ASPRV1: variants seen among roughly 807,000 people sequenced by gnomAD.
ASPRV1 encodes the protein retroviral-like aspartic protease 1.
Under a neutral mutation model 11.0 loss-of-function variants are expected in ASPRV1, and 7 were observed. The ratio of observed to expected loss-of-function variants is 0.64; its 90% CI spans 0.36 to 1.20. ASPRV1 has a LOEUF of 1.20. Among genes scored for constraint, ASPRV1 ranks in the 50% most tolerant of loss-of-function variants. The probability of loss-of-function intolerance (pLI) is 0.02; values close to 1 mark genes in which losing one functional copy is unlikely to be tolerated. For synonymous variants in ASPRV1, 136 were observed against 138.4 expected, an observed-to-expected ratio of 0.98 and a Z score of 0.12; for missense variants, 299 against 320.0, an observed-to-expected ratio of 0.93 and a Z score of 0.50.
chr2:70,041,316 G>C, the ASPRV1 span, among the ~76,000 whole-genome samples: 1 of 152,214 alleles, frequency 6.6e-6, no homozygotes, highest in Admixed American at 6.5e-5. Flanking sequence ...GGTTGGGAAT[G>C]GCATGCAGGG....
the ASPRV1 span, among the ~76,000 whole-genome samples, chr2:70,014,377 A>G: frequency 1.3e-3 from 194 of 152,328 alleles, 1 homozygote; most frequent in African/African-American, 4.5e-3. Context: ...ACATTTCTCC[A>G]AAGAAGATAT....
At chr2:70,080,957 C>T in the ASPRV1 span, 4 of 152,156 alleles carry the variant, frequency 2.6e-5, no homozygotes, top group African/African-American at 9.7e-5. Context: ...TTTTGGTAGA[C>T]ACAGGGGCTC....
the ASPRV1 span, among the ~76,000 whole-genome samples, chr2:69,985,046 C>A: frequency 1.3e-5 from 2 of 152,012 alleles, no homozygotes; most frequent in Admixed American, 1.3e-4. Context: ...TTAGTAGAGA[C>A]GGGGTTTCAC....
chr2:69,989,964 T>C, the ASPRV1 span, among the ~76,000 whole-genome samples: 11 of 152,348 alleles, frequency 7.2e-5, no homozygotes, highest in African/African-American at 2.6e-4. Flanking sequence ...GCCCTTGCCA[T>C]GGGTGTGGCC....
At chr2:69,938,026 C>A in the ASPRV1 span, 1 of 1,462,552 alleles carries the variant, frequency 6.8e-7, no homozygotes, top group Non-Finnish European at 9.4e-7. Flanking sequence ...GGATTACAAG[C>A]ATGAGCCACC....
At chr2:70,072,980 G>T in the ASPRV1 span, 1 of 152,066 alleles carries the variant, frequency 6.6e-6, no homozygotes, top group Non-Finnish European at 1.5e-5. Flanking sequence ...AGCTGAGGGG[G>T]AGGATCGCTT....
the ASPRV1 span, among the ~76,000 whole-genome samples, chr2:69,978,838 C>T: frequency 2.0e-5 from 3 of 152,288 alleles, no homozygotes; most frequent in East Asian, 3.9e-4. Flanking sequence ...CGATGGGTGA[C>T]TTGTCAGAGG....
At chr2:70,032,363 T>C in the ASPRV1 span, 23,143 of 152,156 alleles carry the variant, frequency 0.15, 2,731 homozygotes, top group East Asian at 0.3. Context: ...TTGGAGTTAA[T>C]ATTTGCTTAA....
the ASPRV1 span, among the ~76,000 whole-genome samples, chr2:70,002,346 G>C: frequency 6.6e-6 from 1 of 152,158 alleles, no homozygotes; most frequent in African/African-American, 2.4e-5. Context: ...GACTGGGTAA[G>C]GTTTGTGTCT....
At chr2:69,938,173 C>T in the ASPRV1 span, 4 of 1,614,218 alleles carry the variant, frequency 2.5e-6, no homozygotes, top group Non-Finnish European at 2.5e-6. Context: ...GTGTGAGCGA[C>T]TCTGACGAGC....
the ASPRV1 span, chr2:70,085,648 A>C: frequency 6.6e-6 from 1 of 152,250 alleles, no homozygotes; most frequent in Non-Finnish European, 1.5e-5. Context: ...AGAGAGAGAG[A>C]GAGAGATAAG....
At chr2:70,039,511 A>G in the ASPRV1 span, among the ~76,000 whole-genome samples, 1 of 152,226 alleles carries the variant, frequency 6.6e-6, no homozygotes, top group Non-Finnish European at 1.5e-5. Context: ...GATGGGTTAT[A>G]CTAGGATGCT....
the ASPRV1 span, among the ~76,000 whole-genome samples, chr2:70,019,569 T>C: frequency 6.6e-6 from 1 of 152,184 alleles, no homozygotes; most frequent in Non-Finnish European, 1.5e-5. Flanking sequence ...CACAATGGAG[T>C]ACCATTCATC....
At chr2:70,052,186 T>G in the ASPRV1 span, among the ~76,000 whole-genome samples, 1 of 151,446 alleles carries the variant, frequency 6.6e-6, no homozygotes, top group East Asian at 1.9e-4. Flanking sequence ...GGAAGAGAGA[T>G]AGGGAAGAAA....
At chr2:69,952,690 T>A in the ASPRV1 span, among the ~76,000 whole-genome samples, 5 of 152,158 alleles carry the variant, frequency 3.3e-5, no homozygotes, top group Non-Finnish European at 7.4e-5. Context: ...GGATAGTTCT[T>A]TATTGTGTGG....
the ASPRV1 span, among the ~76,000 whole-genome samples, chr2:70,061,084 T>C: frequency 6.6e-6 from 1 of 151,882 alleles, no homozygotes; most frequent in African/African-American, 2.4e-5. Context: ...AAGGAGATAA[T>C]GCTTACTTGA....
chr2:69,961,828 C>A, upstream of ASPRV1: 1 of 969,338 alleles, frequency 1.0e-6, no homozygotes, highest in East Asian at 2.4e-5. Flanking sequence ...GAAAGGCCAG[C>A]CTCTGTTGAA....
At chr2:70,039,140 G>A in the ASPRV1 span, among the ~76,000 whole-genome samples, 1 of 151,550 alleles carries the variant, frequency 6.6e-6, no homozygotes, top group Non-Finnish European at 1.5e-5. Context: ...CAAATCCCTA[G>A]TGGAGGGGTG....
At chr2:70,067,489 C>T in the ASPRV1 span, among the ~76,000 whole-genome samples, 1 of 152,144 alleles carries the variant, frequency 6.6e-6, no homozygotes, top group Non-Finnish European at 1.5e-5. Context: ...ACCTTAATGT[C>T]TTCATAGAAA....
Sources: allele counts gnomAD v4.1 joint callset (sites outside exome capture counted in the v4.1 genomes callset), GRCh38; gene constraint gnomAD v4.1.1; transcripts MANE v1.5; gene names NCBI Gene and HGNC (gene_info 2026-07-23, HGNC 2026-07-21).